The following PUS7 variants were observed in gnomAD, a reference collection of about 807,000 sequenced individuals.
PUS7 encodes pseudouridylate synthase 7 homolog.
Under a neutral mutation model 79.8 loss-of-function variants are expected in PUS7, and 48 were observed. The observed-to-expected ratio is 0.60, with a 90% CI of 0.48 to 0.76. The LOEUF is 0.76. Ranked by LOEUF, PUS7 falls within the 30% of genes least tolerant of loss-of-function variation. PUS7 has a pLI of 0.00. For synonymous variants in PUS7, 286 were observed against 272.2 expected (o/e 1.05, Z -0.50); for missense variants, 729 against 797.6 (o/e 0.91, Z 1.04).
intron 1 of PUS7, among the ~76,000 whole-genome samples, chr7:105,513,898 T>C (rs1825793355): frequency 7.2e-6 from 1 of 139,662 alleles, no homozygotes; most frequent in South Asian, 2.5e-4. Context: ...ATTGTTGTTA[T>C]GTCTGGAGGA....
At chr7:105,491,240 G>A (rs1007209272) in intron 7 of PUS7, among the ~76,000 whole-genome samples, 2 of 152,004 alleles carry the variant, frequency 1.3e-5, no homozygotes, top group Non-Finnish European at 2.9e-5. Flanking sequence ...GCTCTCGGGT[G>A]TACAACAAAA....
chr7:105,478,438 T>C (rs147354144), intron 9 of PUS7, among the ~76,000 whole-genome samples: 104 of 152,350 alleles, frequency 6.8e-4, no homozygotes, highest in South Asian at 5.8e-3. Context: ...CCACCAGGAA[T>C]GTATAAGGGT....
intron 9 of PUS7, among the ~76,000 whole-genome samples, chr7:105,476,673 G>T (rs1824125580): frequency 6.6e-6 from 1 of 152,070 alleles, no homozygotes; most frequent in African/African-American, 2.4e-5. Context: ...AATTTCTTAA[G>T]AAATCACCAT....
At chr7:105,491,640 A>C in intron 6 of PUS7, 23 bp from the exon 7 acceptor site, 1 of 1,355,332 alleles carries the variant, frequency 7.4e-7, no homozygotes, top group Non-Finnish European at 1.1e-6. Flanking sequence ...AAACAAGATC[A>C]TCTGAAGTCA....
chr7:105,504,427 G>A (rs574486819), intron 4 of PUS7, among the ~76,000 whole-genome samples: 11 of 152,168 alleles, frequency 7.2e-5, no homozygotes, highest in Middle Eastern at 3.4e-3. Context: ...ACTACATTAC[G>A]ATTACAGGTA....
intron 11 of PUS7, 155 bp downstream of exon 11, chr7:105,470,533 T>G: frequency 3.8e-6 from 3 of 790,716 alleles, no homozygotes; most frequent in Non-Finnish European, 5.5e-6. Flanking sequence ...ACTCAGGGTC[T>G]GAACAAAGAC....
chr7:105,491,604 T>G lies in PUS7; in HGVS notation c.856A>C (p.Ile286Leu), dbSNP rs780477762. 1.9e-6 allele frequency: 3 copies of G among 1,595,000 alleles called. No individual in the cohort carries two copies. The highest frequency in any genetic ancestry group is 2.6e-6 in the Non-Finnish European group (3 of 1,163,094). ...TCTTTGGTTCCCATGTAGGAGAATA[T>G]ATTTGGCTTGACTCTGGTAAGAGAG... is the stretch of plus-strand genomic sequence containing the variant. ...LSKYLRVKPN[I>L]FSYMGTKDKR... The change falls in exon 7 of 16, where the codon ATA (isoleucine) becomes CTA (leucine). Residue 286 changes from isoleucine to leucine, a missense_variant. By Grantham distance (5) the Ile-to-Leu change is conservative. Transcript: ENST00000469408.
At chr7:105,505,793 C>T (rs1825431330) in intron 4 of PUS7, among the ~76,000 whole-genome samples, 162 bp downstream of exon 4, 1 of 152,134 alleles carries the variant, frequency 6.6e-6, no homozygotes, top group South Asian at 2.1e-4. Context: ...TACTAGTTAT[C>T]TGCCCCAGTA....
At chr7:105,518,824 A>G (rs1825994750) in intron 1 of PUS7, among the ~76,000 whole-genome samples, 1 of 152,080 alleles carries the variant, frequency 6.6e-6, no homozygotes, top group African/African-American at 2.4e-5. Context: ...GCTGGAGTGC[A>G]GTGGCGCAAT....
chr7:105,508,933 C>T (rs1238143228), intron 1 of PUS7, among the ~76,000 whole-genome samples: 4 of 138,724 alleles, frequency 2.9e-5, no homozygotes, highest in African/African-American at 1.1e-4. Flanking sequence ...GTAATCCCAG[C>T]ACTTTGGGAG....
intron 12 of PUS7, among the ~76,000 whole-genome samples, chr7:105,467,473 T>C (rs1586095969): frequency 6.6e-6 from 1 of 151,684 alleles, no homozygotes; most frequent in Admixed American, 6.6e-5. Flanking sequence ...GTATTTTTAG[T>C]AGAGACGGCG....
At chr7:105,520,239 C>T (rs1412634683) in intron 1 of PUS7, among the ~76,000 whole-genome samples, 1 of 152,102 alleles carries the variant, frequency 6.6e-6, no homozygotes, top group African/African-American at 2.4e-5. Context: ...GCGGGCAGAT[C>T]ATGAGGTCAG....
At chr7:105,492,950 C>A (rs1274776849) in intron 6 of PUS7, among the ~76,000 whole-genome samples, 1 of 152,180 alleles carries the variant, frequency 6.6e-6, no homozygotes, top group Non-Finnish European at 1.5e-5. Flanking sequence ...GTCAATAATT[C>A]CTTTCTTAGC....
chr7:105,464,436 T>C (rs545305629), intron 13 of PUS7, among the ~76,000 whole-genome samples: 6 of 151,904 alleles, frequency 3.9e-5, no homozygotes, highest in Admixed American at 6.6e-5. Flanking sequence ...GTGGGCAGAG[T>C]GGGGAAGATC....
At chr7:105,499,215 C>G (rs1022350753) in intron 5 of PUS7, among the ~76,000 whole-genome samples, 1 of 152,150 alleles carries the variant, frequency 6.6e-6, no homozygotes, top group African/African-American at 2.4e-5. Flanking sequence ...GTAGCATTTT[C>G]CATTGCCACA....
intron 13 of PUS7, 128 bp downstream of exon 13, chr7:105,465,185 A>C: frequency 1.8e-6 from 1 of 565,598 alleles, no homozygotes; most frequent in Non-Finnish European, 3.0e-6. Context: ...TTCTTAATTT[A>C]AATTTTCCAT....
chr7:105,495,981 G>A (rs1216912803), intron 5 of PUS7, among the ~76,000 whole-genome samples: 2 of 151,736 alleles, frequency 1.3e-5, no homozygotes, highest in African/African-American at 4.8e-5. Context: ...CCAACATGGT[G>A]AAACCCCGTC....
At position 105,456,779 on chromosome 7, in the gene PUS7, A is replaced by G. The variant is rs1760453990; in HGVS notation, c.*1011T>C. 1 of 152,086 alleles carries G rather than the reference A, an allele frequency of 6.6e-6. No homozygotes were observed. Among genetic ancestry groups the G allele is most frequent in the Non-Finnish European group, 1.5e-5 (1 of 68,020 alleles). The allele number at this position is 152,086 out of a possible 1,614,324, so 9.4% of individuals were successfully genotyped here. Reference sequence around the variant, plus strand: ...ATAGTTTTCTTCTCTACCATTATTTATTTTTGAGCAAATACCAGTCCAGTG... The same window carrying G: ...ATAGTTTTCTTCTCTACCATTATTTGTTTTTGAGCAAATACCAGTCCAGTG... On this transcript the variant is annotated 3_prime_UTR_variant, in exon 16 of 16. Transcript: ENST00000469408.
At chr7:105,459,025 T>C in intron 15 of PUS7, 143 bp downstream of exon 15, 1 of 484,328 alleles carries the variant, frequency 2.1e-6, no homozygotes. Flanking sequence ...TCAGCCATAA[T>C]TGTGAAAGTA....
Sources: gnomAD v4.1 joint callset for allele counts (sites outside exome capture counted in the v4.1 genomes callset) on GRCh38, gnomAD v4.1.1 for gene constraint, MANE v1.5 for transcripts, NCBI Gene and HGNC (gene_info 2026-07-23, HGNC 2026-07-21) for gene names.